SLMAP: variants seen among roughly 807,000 people sequenced by gnomAD.
The protein encoded by SLMAP is sarcolemma associated protein, also known as sarcolemmal membrane-associated protein.
SLMAP carries 44 observed loss-of-function variants against 128.8 expected under a neutral mutation model. That is an observed-to-expected ratio of 0.34 (90% CI 0.27 to 0.44). The LOEUF (loss-of-function observed/expected upper bound fraction) is 0.44. Among genes scored for constraint, SLMAP ranks in the 20% least tolerant of loss-of-function variants. The pLI is 1.00. For missense variants in SLMAP, 787 were observed against 985.3 expected, an observed-to-expected ratio of 0.80 and a Z score of 2.69; for synonymous variants, 327 against 348.8, an observed-to-expected ratio of 0.94 and a Z score of 0.70.
At chr3:57,774,573 G>A (rs1306383950) in intron 2 of SLMAP, among the ~76,000 whole-genome samples, 1 of 151,858 alleles carries the variant, frequency 6.6e-6, no homozygotes, top group African/African-American at 2.4e-5. Flanking sequence ...CCCCCAGGCT[G>A]GAGTGCAGTG....
At chr3:57,789,064 A>T (rs1442213392) in intron 2 of SLMAP, among the ~76,000 whole-genome samples, 1 of 152,218 alleles carries the variant, frequency 6.6e-6, no homozygotes, top group Non-Finnish European at 1.5e-5. Flanking sequence ...TGGCATTAAA[A>T]AAGCAGTACA....
At chr3:57,812,595 TG>T (rs1005450869) in intron 2 of SLMAP, among the ~76,000 whole-genome samples, 14 of 152,142 alleles carry the variant, frequency 9.2e-5, no homozygotes, top group African/African-American at 3.4e-4. Flanking sequence ...TTTCTAATTT[TG>T]CAAAAAACAT....
intron 2 of SLMAP, among the ~76,000 whole-genome samples, chr3:57,762,761 G>A: frequency 6.9e-6 from 1 of 145,800 alleles, no homozygotes; most frequent in South Asian, 2.2e-4. Context: ...TGTCTCCCAG[G>A]CTGGAGTGCA....
intron 2 of SLMAP, among the ~76,000 whole-genome samples, chr3:57,816,661 G>C (rs576908398): frequency 6.6e-6 from 1 of 152,298 alleles, no homozygotes; most frequent in African/African-American, 2.4e-5. Flanking sequence ...TCAGATTATA[G>C]TGCTACTCAA....
At chr3:57,871,979 A>C (rs553030973) in intron 14 of SLMAP, among the ~76,000 whole-genome samples, 1 of 152,362 alleles carries the variant, frequency 6.6e-6, no homozygotes, top group East Asian at 1.9e-4. Context: ...TAAATTTCTT[A>C]GAGAAAATGA....
intron 22 of SLMAP, among the ~76,000 whole-genome samples, chr3:57,922,534 T>G (rs2096937057): frequency 6.6e-6 from 1 of 151,568 alleles, no homozygotes; most frequent in Non-Finnish European, 1.5e-5. Context: ...GTTCAAGCGA[T>G]TTTCCTGTCT....
At chr3:57,812,248 A>G (rs1312610272) in intron 2 of SLMAP, among the ~76,000 whole-genome samples, 1 of 152,144 alleles carries the variant, frequency 6.6e-6, no homozygotes, top group Non-Finnish European at 1.5e-5. Context: ...TCATTTTTGT[A>G]TATAGTGTTA....
intron 21 of SLMAP, among the ~76,000 whole-genome samples, chr3:57,914,686 G>A (rs577088279): frequency 2.6e-5 from 4 of 151,656 alleles, no homozygotes; most frequent in African/African-American, 4.8e-5. Context: ...GGGGTCAATC[G>A]ATTCTCCTGC....
At chr3:57,839,779 G>T (rs1365751457) in intron 3 of SLMAP, among the ~76,000 whole-genome samples, 1 of 152,062 alleles carries the variant, frequency 6.6e-6, no homozygotes, top group Non-Finnish European at 1.5e-5. Context: ...GGCTGGTCTT[G>T]AACTCCTGAC....
intron 13 of SLMAP, among the ~76,000 whole-genome samples, chr3:57,867,181 A>AAAAAC (rs1163513322): frequency 3.9e-5 from 6 of 152,314 alleles, no homozygotes; most frequent in Admixed American, 2.0e-4. Flanking sequence ...TCTTGTCTCA[A>AAAAAC]AAAACAAAAC....
rs756006924 is a variant in SLMAP, at chr3:57,857,836, A to G, written c.615+8A>G. The G allele has an allele frequency of 1.0e-5, 16 of 1,566,338 alleles. 1 individual carries two copies. The highest frequency in any genetic ancestry group is 3.3e-4 in the Middle Eastern group (2 of 5,978). On this transcript the variant is annotated splice_region_variant and intron_variant, in intron 7 of 24. Transcript: ENST00000671191. ...TCAGATACCAGTTGGCAGGTATTCCAGTTGTTTTATATTTAAGAAACATTT... is the reference window on the plus strand; with the variant it reads ...TCAGATACCAGTTGGCAGGTATTCCGGTTGTTTTATATTTAAGAAACATTT...
At chr3:57,850,020 T>G (rs961951887) in intron 6 of SLMAP, among the ~76,000 whole-genome samples, 151 of 152,134 alleles carry the variant, frequency 9.9e-4, no homozygotes, top group Middle Eastern at 3.4e-3. Context: ...TAAAAAAATT[T>G]TTTTAATTAA....
intron 2 of SLMAP, among the ~76,000 whole-genome samples, chr3:57,792,604 T>C (rs1034799209): frequency 1.3e-5 from 2 of 152,158 alleles, no homozygotes; most frequent in African/African-American, 4.8e-5. Context: ...ATATTGTGTG[T>C]TCCTTTAAAT....
chr3:57,855,710 T>A, intron 6 of SLMAP, among the ~76,000 whole-genome samples: 1 of 73,158 alleles, frequency 1.4e-5, no homozygotes. Flanking sequence ...GCCCCATCTG[T>A]TAAAAAAAAA....
At chr3:57,830,832 A>T (rs1231430506) in intron 2 of SLMAP, among the ~76,000 whole-genome samples, 5 of 152,216 alleles carry the variant, frequency 3.3e-5, no homozygotes, top group Non-Finnish European at 2.9e-5. Flanking sequence ...ATAATACATC[A>T]GTCTTTTGTG....
chr3:57,862,636 C>CGCA (rs1553891626), intron 10 of SLMAP, among the ~76,000 whole-genome samples: 6 of 27,426 alleles, frequency 2.2e-4, no homozygotes, highest in African/African-American at 9.1e-4. Context: ...GACTTCGTCT[C>CGCA]ACAAAAAAAA....
chr3:57,825,298 T>C, intron 2 of SLMAP, among the ~76,000 whole-genome samples: 1 of 151,932 alleles, frequency 6.6e-6, no homozygotes, highest in East Asian at 1.9e-4. Flanking sequence ...AAAGCCGGCA[T>C]CCTTGTCTTG....
Position 57,862,029 on chromosome 3 carries a change from A to G in SLMAP, c.909A>G (p.Leu303=). ...NERTQEELRE[L]ANKYNGAVNE... ...GGACTCAGGAAGAATTAAGAGAATTAGCCAACAAATATAATGGAGCAGTTA... is the reference window on the plus strand; with the variant it reads ...GGACTCAGGAAGAATTAAGAGAATTGGCCAACAAATATAATGGAGCAGTTA... The change falls in exon 10 of 25, where the codon TTA becomes TTG. Residue 303 remains leucine (L), a synonymous_variant. Coordinates refer to ENST00000671191, the MANE Select transcript of SLMAP (RefSeq NM_001377540.1). 1.2e-6 allele frequency: 2 copies of G among 1,600,706 alleles called. No individual in the cohort carries two copies. Among genetic ancestry groups the G allele is most frequent in the Non-Finnish European group, 1.7e-6 (2 of 1,167,862 alleles).
At position 57,863,963 on chromosome 3, in the gene SLMAP, AT is replaced by A. The variant is rs1029384712; in HGVS notation, c.967-576del. On this transcript the variant is annotated intron_variant, in intron 10 of 24. Transcript: ENST00000671191. ...TCTTACTTCCCTCTTTAAAAATACGATTTTTTTTTCCACATTGACCCTTTAC... is the reference window on the plus strand; with the variant it reads ...TCTTACTTCCCTCTTTAAAAATACGATTTTTTTTCCACATTGACCCTTTAC... Among the ~76,000 whole-genome samples the A allele has an allele frequency of 3.3e-5, 5 of 151,466 alleles. No individual in the cohort carries two copies. In the East Asian group the frequency reaches 9.6e-4, roughly 29 times the overall value.
Sources: allele counts gnomAD v4.1 joint callset (sites outside exome capture counted in the v4.1 genomes callset), GRCh38; gene constraint gnomAD v4.1.1; transcripts MANE v1.5; gene names NCBI Gene and HGNC (gene_info 2026-07-23, HGNC 2026-07-21).